The following STAU2 variants were observed in gnomAD, a reference collection of about 807,000 sequenced individuals.
STAU2 encodes double-stranded RNA-binding protein Staufen homolog 2.
A neutral mutation model predicts 65.9 loss-of-function variants in STAU2; 20 were observed. That is an observed-to-expected ratio of 0.30 (90% CI 0.21 to 0.44). STAU2 has a LOEUF of 0.44. Ranked by LOEUF, STAU2 falls within the 20% of genes least tolerant of loss-of-function variation. STAU2 has a pLI of 1.00. For missense variants in STAU2, 558 were observed against 683.9 expected, an observed-to-expected ratio of 0.82 and a Z score of 2.05; for synonymous variants, 232 against 233.9, an observed-to-expected ratio of 0.99 and a Z score of 0.07.
chr8:73,651,438 G>T, intron 6 of STAU2: 1 of 666,614 alleles, frequency 1.5e-6, no homozygotes, highest in Non-Finnish European at 2.8e-6. Flanking sequence ...CAAAATCGCC[G>T]CATGAAACAC....
intron 12 of STAU2, among the ~76,000 whole-genome samples, chr8:73,557,642 T>G (rs1034271567): frequency 7.2e-5 from 11 of 152,192 alleles, no homozygotes; most frequent in Non-Finnish European, 1.2e-4. Context: ...TAATTCATTG[T>G]TAATTTATTT....
chr8:73,629,393 T>G (rs926609085), intron 6 of STAU2, among the ~76,000 whole-genome samples: 1 of 152,228 alleles, frequency 6.6e-6, no homozygotes, highest in African/African-American at 2.4e-5. Flanking sequence ...TAGGTATGTT[T>G]AATACATTAT....
At chr8:73,618,171 T>C (rs1022834198) in intron 6 of STAU2, among the ~76,000 whole-genome samples, 1 of 152,110 alleles carries the variant, frequency 6.6e-6, no homozygotes, top group African/African-American at 2.4e-5. Flanking sequence ...CAGGGGACTA[T>C]GACAATGAAC....
At chr8:73,517,601 A>T (rs1822812357) in intron 13 of STAU2, among the ~76,000 whole-genome samples, 1 of 152,326 alleles carries the variant, frequency 6.6e-6, no homozygotes, top group African/African-American at 2.4e-5. Flanking sequence ...TGAAACACCA[A>T]GCTACAGATA....
At chr8:73,697,610 T>C (rs956670317) in intron 4 of STAU2, among the ~76,000 whole-genome samples, 1 of 152,112 alleles carries the variant, frequency 6.6e-6, no homozygotes, top group East Asian at 1.9e-4. Flanking sequence ...TCAAAAATAA[T>C]AGCTACAACA....
At chr8:73,654,964 C>T (rs1159085105) in intron 6 of STAU2, among the ~76,000 whole-genome samples, 7 of 152,124 alleles carry the variant, frequency 4.6e-5, no homozygotes, top group African/African-American at 1.7e-4. Context: ...GGATTACAGG[C>T]GTGAGCCACC....
At chr8:73,639,608 T>C (rs1238764414) in intron 6 of STAU2, among the ~76,000 whole-genome samples, 1 of 152,114 alleles carries the variant, frequency 6.6e-6, no homozygotes, top group African/African-American at 2.4e-5. Context: ...GTATTACAAC[T>C]GAAACTAAAA....
At chr8:73,471,817 TAAA>T (rs569600617) in intron 13 of STAU2, among the ~76,000 whole-genome samples, 3 of 86,800 alleles carry the variant, frequency 3.5e-5, no homozygotes, top group African/African-American at 4.7e-5. Context: ...AGACTCCAAC[TAAA>T]AAAAAAAAAA....
rs1343041955 is a variant in STAU2, at chr8:73,487,367, TC to T, written c.1530+64644del. ...TGAGTGAGGGAATTTGGTCTTTCTC[TC>T]CCACTAATAGCCATTGGAAATTAAT... is the stretch of plus-strand genomic sequence containing the variant. On this transcript the variant is annotated intron_variant, in intron 13 of 14. Transcript: ENST00000524300. 6.6e-5 allele frequency among the ~76,000 whole-genome samples: 10 copies of T among 152,184 alleles called. No individual in the cohort carries two copies. The East Asian group carries it at 1.7e-3, about 27-fold the overall frequency.
In STAU2 at chr8:73,585,475, C is replaced by T. The variant is rs185890289; in HGVS notation, c.1162-2645G>A. Among the ~76,000 whole-genome samples, 7 of 152,284 alleles carry T rather than the reference C, an allele frequency of 4.6e-5. No homozygotes were observed. The East Asian group carries it at 9.7e-4, about 21-fold the overall frequency. On this transcript the variant is annotated intron_variant, in intron 11 of 14. Coordinates refer to ENST00000524300, the MANE Select transcript of STAU2 (RefSeq NM_001164380.2). Reference sequence around the variant, plus strand: ...AGCCTGGACAACGAGAGTGAAACTCCGTCTCAAAACATGTATATATTATAC... The same window carrying T: ...AGCCTGGACAACGAGAGTGAAACTCTGTCTCAAAACATGTATATATTATAC...
chr8:73,446,279 G>A (rs1818461866), intron 13 of STAU2, among the ~76,000 whole-genome samples: 1 of 152,234 alleles, frequency 6.6e-6, no homozygotes, highest in Non-Finnish European at 1.5e-5. Context: ...GCCAGGGCTG[G>A]GGATGGTGGG....
chr8:73,574,535 A>G (rs1809363134), intron 12 of STAU2, among the ~76,000 whole-genome samples: 1 of 152,268 alleles, frequency 6.6e-6, no homozygotes, highest in South Asian at 2.1e-4. Flanking sequence ...GACTGGATTA[A>G]GAAAATGTGG....
intron 13 of STAU2, among the ~76,000 whole-genome samples, chr8:73,451,769 C>T (rs1487535003): frequency 6.6e-6 from 1 of 152,106 alleles, no homozygotes; most frequent in African/African-American, 2.4e-5. Context: ...AGGTTTTGTA[C>T]ACTTTCCAGA....
intron 13 of STAU2, among the ~76,000 whole-genome samples, chr8:73,542,230 C>T (rs2128938033): frequency 6.6e-6 from 1 of 152,124 alleles, no homozygotes; most frequent in East Asian, 1.9e-4. Flanking sequence ...TAAGCCTAGA[C>T]AAAACACAAC....
intron 5 of STAU2, among the ~76,000 whole-genome samples, chr8:73,686,269 G>A (rs925522175): frequency 2.0e-5 from 3 of 151,954 alleles, no homozygotes; most frequent in African/African-American, 7.3e-5. Context: ...AAAAAAATTA[G>A]GCCAGGCACA....
At chr8:73,531,448 A>G (rs1805805955) in intron 13 of STAU2, among the ~76,000 whole-genome samples, 1 of 152,186 alleles carries the variant, frequency 6.6e-6, no homozygotes. Context: ...ATATGTAGGG[A>G]AAAACATGAA....
At chr8:73,746,692 C>A in intron 1 of STAU2, 91 bp downstream of exon 1, 1 of 779,084 alleles carries the variant, frequency 1.3e-6, no homozygotes, top group East Asian at 3.5e-5. Context: ...CCCCGTGCTG[C>A]GGAACTGCAG....
At position 73,613,683 on chromosome 8, in the gene STAU2, T is replaced by C. The variant is rs1812632544; in HGVS notation, c.891+61A>G. On this transcript the variant is annotated intron_variant, in intron 9 of 14. Coordinates refer to ENST00000524300, the MANE Select transcript of STAU2 (RefSeq NM_001164380.2). The stretch of plus-strand genomic sequence containing the variant: ...GATCTGCCTTATAGAAAAATGCTTA[T>C]CTATAGCTACTATAATATTTATTTA... 8 of 1,330,382 alleles carry C rather than the reference T, an allele frequency of 6.0e-6. No individual in the cohort carries two copies. In the East Asian group the frequency reaches 9.9e-5, roughly 16 times the overall value. 82.4% of individuals were successfully genotyped at this position (1,330,382 alleles called of 1,614,324 possible).
At chr8:73,611,672 GATTATTATTATT>G (rs954725394) in intron 9 of STAU2, among the ~76,000 whole-genome samples, 1 of 149,550 alleles carries the variant, frequency 6.7e-6, no homozygotes, top group African/African-American at 2.4e-5. Flanking sequence ...TTATTATTAT[GATTATTATTATT>G]ATTATCATTT....
Sources: allele counts gnomAD v4.1 joint callset (sites outside exome capture counted in the v4.1 genomes callset), GRCh38; gene constraint gnomAD v4.1.1; transcripts MANE v1.5; gene names NCBI Gene and HGNC (gene_info 2026-07-23, HGNC 2026-07-21).